Variants in ROR1 observed in about 807,000 individuals in gnomAD.
ROR1 encodes ROR family WNT receptor 1.
ROR1 carries 19 observed loss-of-function variants against 78.8 expected under a neutral mutation model. The ratio of observed to expected loss-of-function variants is 0.24; its 90% CI spans 0.17 to 0.35. The LOEUF is 0.35. ROR1 is among the 10% of genes least tolerant of loss of function. The pLI is 1.00. For synonymous variants in ROR1, 386 were observed against 433.6 expected (o/e 0.89, Z 1.36); for missense variants, 917 against 1,177.8 (o/e 0.78, Z 3.24).
intron 1 of ROR1, among the ~76,000 whole-genome samples, chr1:63,871,548 A>G (rs550814271): frequency 1.3e-5 from 2 of 152,306 alleles, no homozygotes; most frequent in South Asian, 4.1e-4. Context: ...ACTGCCAAGC[A>G]CCTTGGAAGC....
intron 4 of ROR1, among the ~76,000 whole-genome samples, chr1:64,116,907 TCATATGAAATAA>T (rs1003440902): frequency 2.6e-5 from 4 of 152,180 alleles, no homozygotes; most frequent in African/African-American, 9.7e-5. Context: ...ACATGGCCTC[TCATATGAAATAA>T]CATATGAAAT....
intron 1 of ROR1, among the ~76,000 whole-genome samples, chr1:63,943,301 C>T (rs907071234): frequency 1.3e-5 from 2 of 152,154 alleles, no homozygotes; most frequent in Non-Finnish European, 2.9e-5. Flanking sequence ...GGAATGGTTG[C>T]TCCTCTGTAG....
intron 2 of ROR1, among the ~76,000 whole-genome samples, chr1:64,036,469 C>G (rs1464528839): frequency 6.6e-6 from 1 of 152,192 alleles, no homozygotes; most frequent in Non-Finnish European, 1.5e-5. Context: ...CCAGGAGTCT[C>G]CCAGAATATA....
chr1:64,137,264 C>A, intron 4 of ROR1, 105 bp from the exon 5 acceptor site: 2 of 1,218,000 alleles, frequency 1.6e-6, no homozygotes, highest in Non-Finnish European at 1.2e-6. Context: ...ATATTGTGCC[C>A]AACTGTGCCC....
At chr1:63,845,026 C>A (rs1289690521) in intron 1 of ROR1, among the ~76,000 whole-genome samples, 1 of 152,110 alleles carries the variant, frequency 6.6e-6, no homozygotes, top group Non-Finnish European at 1.5e-5. Context: ...TTCATTGTTA[C>A]ACTAGTGCAC....
At chr1:64,075,782 C>T (rs1442781311) in intron 4 of ROR1, among the ~76,000 whole-genome samples, 8 of 152,324 alleles carry the variant, frequency 5.3e-5, no homozygotes, top group Middle Eastern at 3.4e-3. Context: ...CACACCTTTA[C>T]GCTTAATGGC....
chr1:64,079,625 G>C (rs1647083484), intron 4 of ROR1, among the ~76,000 whole-genome samples: 1 of 151,970 alleles, frequency 6.6e-6, no homozygotes, highest in Non-Finnish European at 1.5e-5. Context: ...GGGATTACAG[G>C]CACCTGCAAC....
At chr1:64,041,982 G>A (rs1646749259) in intron 2 of ROR1, among the ~76,000 whole-genome samples, 1 of 152,132 alleles carries the variant, frequency 6.6e-6, no homozygotes, top group Admixed American at 6.6e-5. Flanking sequence ...TATCAGTTAT[G>A]TGACCTTAGG....
At chr1:63,775,174 C>CGG (rs1491243665) in intron 1 of ROR1, 1 of 151,280 alleles carries the variant, frequency 6.6e-6, no homozygotes, top group African/African-American at 2.4e-5. Flanking sequence ...TGGGTGTGCA[C>CGG]GCGCGCGCGC....
At chr1:63,812,280 A>G (rs983701940) in intron 1 of ROR1, among the ~76,000 whole-genome samples, 2 of 152,162 alleles carry the variant, frequency 1.3e-5, no homozygotes, top group Non-Finnish European at 2.9e-5. Flanking sequence ...GCCTGTTTTT[A>G]TAAATAAAGT....
intron 1 of ROR1, among the ~76,000 whole-genome samples, chr1:63,918,696 T>A (rs2100425960): frequency 6.6e-6 from 1 of 152,326 alleles, no homozygotes; most frequent in South Asian, 2.1e-4. Context: ...TGTGCCTCCC[T>A]CTGAGACGTC....
chr1:64,118,445 G>A (rs369396750), intron 4 of ROR1, among the ~76,000 whole-genome samples: 3 of 151,618 alleles, frequency 2.0e-5, no homozygotes, highest in East Asian at 1.9e-4. Context: ...TGGCCAACAC[G>A]GTGAAACCCC....
At position 63,849,303 on chromosome 1, in the gene ROR1, A is replaced by G. The variant is rs946042314; in HGVS notation, c.91+74795A>G. Among the ~76,000 whole-genome samples the G allele has an allele frequency of 8.5e-5, 13 of 152,322 alleles. 1 individual carries two copies. Among genetic ancestry groups the G allele is most frequent in the Middle Eastern group, 3.4e-3 (1 of 294 alleles). ...AGTTCATTTGTTTATTGATTTGTTC[A>G]TTAATTCTTCAGTATTTAGCTTGTA... On this transcript the variant is annotated intron_variant, in intron 1 of 8. Coordinates refer to ENST00000371079, the MANE Select transcript of ROR1 (RefSeq NM_005012.4).
chr1:64,156,490 C>T (rs1262013629), intron 7 of ROR1, among the ~76,000 whole-genome samples: 2 of 152,018 alleles, frequency 1.3e-5, no homozygotes, highest in African/African-American at 4.8e-5. Context: ...AGGCGGATCA[C>T]GAGGTCAAGA....
chr1:63,947,169 C>T (rs57215397), intron 1 of ROR1, among the ~76,000 whole-genome samples: 4,442 of 152,222 alleles, frequency 0.029, 230 homozygotes, highest in African/African-American at 0.1. Flanking sequence ...CACACGTTGC[C>T]CATGTTGGCC....
At chr1:64,123,663 A>G (rs1364083425) in intron 4 of ROR1, among the ~76,000 whole-genome samples, 3 of 141,748 alleles carry the variant, frequency 2.1e-5, no homozygotes, top group African/African-American at 7.8e-5. Context: ...GTTTAACTTT[A>G]CTAAGGATAA....
At chr1:64,123,737 T>C (rs565071802) in intron 4 of ROR1, among the ~76,000 whole-genome samples, 8 of 152,262 alleles carry the variant, frequency 5.3e-5, no homozygotes, top group Non-Finnish European at 1.0e-4. Flanking sequence ...CTTGTAGGCA[T>C]TGAGTGCAGA....
At chr1:63,784,446 A>C (rs866668306) in intron 1 of ROR1, among the ~76,000 whole-genome samples, 1 of 152,246 alleles carries the variant, frequency 6.6e-6, no homozygotes, top group Non-Finnish European at 1.5e-5. Context: ...TTTCATCCAC[A>C]AAATCTTCAA....
intron 1 of ROR1, among the ~76,000 whole-genome samples, chr1:63,861,999 C>T (rs950748140): frequency 6.6e-6 from 1 of 152,088 alleles, no homozygotes; most frequent in Non-Finnish European, 1.5e-5. Context: ...TTTAATTAAG[C>T]TTAAGCAATA....
Sources: gnomAD v4.1 joint callset for allele counts (sites outside exome capture counted in the v4.1 genomes callset) on GRCh38, gnomAD v4.1.1 for gene constraint, MANE v1.5 for transcripts, NCBI Gene and HGNC (gene_info 2026-07-23, HGNC 2026-07-21) for gene names.